Variants in MGMT observed in about 807,000 individuals in gnomAD.
MGMT encodes the protein methylated-DNA--protein-cysteine methyltransferase.
A neutral mutation model predicts 15.9 loss-of-function variants in MGMT; 14 were observed. The ratio of observed to expected loss-of-function variants is 0.88; its 90% confidence interval spans 0.58 to 1.37. The LOEUF is 1.37. MGMT is among the 40% of genes most tolerant of loss of function. The probability of loss-of-function intolerance (pLI) is 0.00; values close to 1 mark genes in which losing one functional copy is unlikely to be tolerated. For missense variants in MGMT, 282 were observed against 268.1 expected (o/e 1.05, Z -0.36); for synonymous variants, 130 against 118.2 (o/e 1.10, Z -0.65).
chr10:129,525,993 T>G (rs1453784531), intron 1 of MGMT, among the ~76,000 whole-genome samples: 1 of 152,200 alleles, frequency 6.6e-6, no homozygotes, highest in Non-Finnish European at 1.5e-5. Context: ...TGAAACGATT[T>G]CAATGTAACA....
intron 2 of MGMT, among the ~76,000 whole-genome samples, chr10:129,594,904 G>A (rs117073319): frequency 0.033 from 5,080 of 152,238 alleles, 135 homozygotes; most frequent in South Asian, 0.064. Flanking sequence ...CAGCATTGCC[G>A]GCACACCCGT....
In MGMT at chr10:129,615,782, T is replaced by C. The variant is rs531472485; in HGVS notation, c.125+79405T>C. 8.5e-5 allele frequency among the ~76,000 whole-genome samples: 13 copies of C among 152,152 alleles called. No homozygotes were observed. The East Asian group carries it at 2.5e-3, about 30-fold the overall frequency. On this transcript the variant is annotated intron_variant, in intron 2 of 4. Transcript: ENST00000651593. ...ATGGCCTGGGCATTAGAGGATAGGATCCTTAGTGTGAGGGAGGCCTCAACC... is the reference window on the plus strand; with the variant it reads ...ATGGCCTGGGCATTAGAGGATAGGACCCTTAGTGTGAGGGAGGCCTCAACC...
chr10:129,506,177 C>G (rs1406205280), intron 1 of MGMT, among the ~76,000 whole-genome samples: 1 of 152,086 alleles, frequency 6.6e-6, no homozygotes, highest in African/African-American at 2.4e-5. Context: ...GAACATCCCA[C>G]AACACATGGG....
At chr10:129,730,651 T>A (rs1848485316) in intron 3 of MGMT, among the ~76,000 whole-genome samples, 1 of 152,196 alleles carries the variant, frequency 6.6e-6, no homozygotes, top group Non-Finnish European at 1.5e-5. Flanking sequence ...AGGGATACCT[T>A]GACTGCGCTG....
At chr10:129,511,522 G>A (rs995706096) in intron 1 of MGMT, among the ~76,000 whole-genome samples, 1 of 152,208 alleles carries the variant, frequency 6.6e-6, no homozygotes, top group Non-Finnish European at 1.5e-5. Flanking sequence ...AATATGCCAG[G>A]AATTAAGCAG....
Position 129,767,047 on chromosome 10 carries a change from A to G in MGMT, c.*50A>G, listed in dbSNP as rs751690272. 2.2e-5 allele frequency: 32 copies of G among 1,471,764 alleles called. No homozygotes were observed. Among genetic ancestry groups the G allele is most frequent in the Non-Finnish European group, 4.6e-6 (5 of 1,091,626 alleles). 91.2% of individuals were successfully genotyped at this position (1,471,764 alleles called of 1,614,324 possible). A position where few individuals can be genotyped will look rare whatever the true frequency, so the allele number is the denominator to read the frequency against. On this transcript the variant is annotated 3_prime_UTR_variant, in exon 5 of 5. Coordinates refer to ENST00000651593, the MANE Select transcript of MGMT (RefSeq NM_002412.5). Reference sequence around the variant, plus strand: ...GAGCGACACACACGTGTAACACTGCATCGGATGCGGGGCGTGGAGGCACCG... The same window carrying G: ...GAGCGACACACACGTGTAACACTGCGTCGGATGCGGGGCGTGGAGGCACCG...
At chr10:129,746,136 G>T (rs898153240) in intron 3 of MGMT, among the ~76,000 whole-genome samples, 1 of 151,574 alleles carries the variant, frequency 6.6e-6, no homozygotes, top group African/African-American at 2.4e-5. Flanking sequence ...CTACTCAGGA[G>T]GCTGAAGCAG....
intron 2 of MGMT, among the ~76,000 whole-genome samples, chr10:129,576,554 CTA>C (rs1334410813): frequency 1.3e-5 from 2 of 152,180 alleles, no homozygotes; most frequent in African/African-American, 4.8e-5. Flanking sequence ...TAAGTGCTAT[CTA>C]TGACAAACCC....
intron 3 of MGMT, among the ~76,000 whole-genome samples, chr10:129,758,347 G>A (rs1848830813): frequency 6.6e-6 from 1 of 152,142 alleles, no homozygotes; most frequent in Admixed American, 6.5e-5. Context: ...TGGAGGGGCT[G>A]GAGCCCCTGC....
chr10:129,646,590 A>G (rs1253295469), intron 2 of MGMT, among the ~76,000 whole-genome samples: 2 of 151,408 alleles, frequency 1.3e-5, no homozygotes, highest in Admixed American at 6.6e-5. Context: ...TGGAAGCACC[A>G]GAGCTTACCT....
rs7098295 is a variant in MGMT, at chr10:129,665,417, C to A, written c.126-42478C>A. On this transcript the variant is annotated intron_variant, in intron 2 of 4. Transcript: ENST00000651593. ...TAAGTAGATAAGCTGTAGTTCATCCCTACCATGCAGTTCAGATCAGCCCTG... is the reference window on the plus strand; with the variant it reads ...TAAGTAGATAAGCTGTAGTTCATCCATACCATGCAGTTCAGATCAGCCCTG... 2.0e-5 allele frequency among the ~76,000 whole-genome samples: 3 copies of A among 151,280 alleles called. No homozygotes were observed. In the East Asian group the frequency reaches 5.8e-4, roughly 29 times the overall value.
intron 2 of MGMT, among the ~76,000 whole-genome samples, chr10:129,609,449 C>A: frequency 6.6e-6 from 1 of 152,246 alleles, no homozygotes; most frequent in East Asian, 1.9e-4. Flanking sequence ...AATCTCTGGC[C>A]CCATCTGGAG....
intron 1 of MGMT, among the ~76,000 whole-genome samples, chr10:129,515,553 C>T (rs1418819548): frequency 2.0e-5 from 3 of 152,178 alleles, no homozygotes; most frequent in African/African-American, 7.2e-5. Context: ...CTCCAGTCCC[C>T]TAGATACAGA....
intron 2 of MGMT, among the ~76,000 whole-genome samples, chr10:129,577,674 A>T (rs1224541759): frequency 6.6e-6 from 1 of 152,258 alleles, no homozygotes; most frequent in East Asian, 1.9e-4. Flanking sequence ...ACAAAAGCCA[A>T]AATTGACAAA....
chr10:129,690,132 A>AGACAC (rs1277008527), intron 2 of MGMT, among the ~76,000 whole-genome samples: 1 of 152,204 alleles, frequency 6.6e-6, no homozygotes, highest in African/African-American at 2.4e-5. Context: ...TGATCAAAAC[A>AGACAC]GACACGCAGT....
At chr10:129,553,045 C>T (rs1239330930) in intron 2 of MGMT, among the ~76,000 whole-genome samples, 1 of 152,164 alleles carries the variant, frequency 6.6e-6, no homozygotes, top group East Asian at 1.9e-4. Flanking sequence ...AGCTTGGATC[C>T]ACCACGATGT....
At chr10:129,511,380 C>T (rs546797185) in intron 1 of MGMT, among the ~76,000 whole-genome samples, 109 of 150,190 alleles carry the variant, frequency 7.3e-4, no homozygotes, top group Admixed American at 5.0e-3. Context: ...AATGGGAACC[C>T]GTATACCAGA....
chr10:129,536,413 A>G (rs1433945213), intron 2 of MGMT, 36 bp downstream of exon 2: 4 of 1,594,108 alleles, frequency 2.5e-6, no homozygotes, highest in Non-Finnish European at 2.6e-6. Context: ...TATACCGCAC[A>G]TGCTGAAGCA....
At chr10:129,706,233 C>T (rs956888545) in intron 2 of MGMT, among the ~76,000 whole-genome samples, 6 of 152,192 alleles carry the variant, frequency 3.9e-5, no homozygotes, top group African/African-American at 9.6e-5. Context: ...GTCCTACGTC[C>T]GGGATGGCTC....
Sources: allele counts gnomAD v4.1 joint callset (sites outside exome capture counted in the v4.1 genomes callset), GRCh38; gene constraint gnomAD v4.1.1; transcripts MANE v1.5; gene names NCBI Gene and HGNC (gene_info 2026-07-23, HGNC 2026-07-21).